MAGI3: variants seen among roughly 807,000 people sequenced by gnomAD.
The protein encoded by MAGI3 is membrane associated guanylate kinase, WW and PDZ domain containing 3, also known as membrane-associated guanylate kinase, WW and PDZ domain-containing protein 3.
Under a neutral mutation model 121.8 loss-of-function variants are expected in MAGI3, and 43 were observed. The ratio of observed to expected loss-of-function variants is 0.35; its 90% CI spans 0.28 to 0.46. The LOEUF (loss-of-function observed/expected upper bound fraction) is 0.46, where lower values mean the gene tolerates loss of function less well. Among genes scored for constraint, MAGI3 ranks in the 20% least tolerant of loss-of-function variants. MAGI3 has a pLI of 1.00. For missense variants in MAGI3, 1,547 were observed against 1,797.3 expected (o/e 0.86, Z 2.52); for synonymous variants, 553 against 639.3 (o/e 0.86, Z 2.04).
chr1:113,546,652 C>G (rs188422270), intron 1 of MAGI3, among the ~76,000 whole-genome samples: 62 of 151,678 alleles, frequency 4.1e-4, no homozygotes, highest in East Asian at 2.4e-3. Flanking sequence ...ATCACACTTA[C>G]AAAATTGTCC....
intron 2 of MAGI3, among the ~76,000 whole-genome samples, chr1:113,560,556 T>G (rs929691737): frequency 2.0e-5 from 3 of 152,180 alleles, no homozygotes; most frequent in Non-Finnish European, 4.4e-5. Context: ...ATCAAGAAGT[T>G]CTTTGAAACC....
intron 1 of MAGI3, among the ~76,000 whole-genome samples, chr1:113,509,071 A>G (rs1657482656): frequency 6.6e-6 from 1 of 152,132 alleles, no homozygotes; most frequent in African/African-American, 2.4e-5. Flanking sequence ...TTTACTGTTA[A>G]TATTGTTTGC....
At chr1:113,616,324 A>C (rs1464583810) in intron 7 of MAGI3, among the ~76,000 whole-genome samples, 1 of 152,212 alleles carries the variant, frequency 6.6e-6, no homozygotes, top group Non-Finnish European at 1.5e-5. Context: ...GACTGTACTC[A>C]AGATGCACAT....
intron 7 of MAGI3, among the ~76,000 whole-genome samples, chr1:113,617,409 G>A (rs1159245089): frequency 1.3e-5 from 2 of 152,050 alleles, no homozygotes; most frequent in Non-Finnish European, 1.5e-5. Context: ...TAATAGTGTA[G>A]GTATAAGTAA....
intron 7 of MAGI3, among the ~76,000 whole-genome samples, chr1:113,618,189 T>A (rs943513120): frequency 2.0e-5 from 3 of 151,736 alleles, no homozygotes; most frequent in Non-Finnish European, 4.4e-5. Context: ...TTTTTTTAAT[T>A]AGCTGGGCAT....
rs1473086757 is a variant in MAGI3 at position 113,649,231 on chromosome 1, C to T, written c.2156-6C>T. The T allele has an allele frequency of 1.2e-6, 2 of 1,604,422 alleles. No homozygotes were observed. The highest frequency in any genetic ancestry group is 1.7e-6 in the Non-Finnish European group (2 of 1,176,250). ...CATAGTATTTATATTTTCTGATTTTCCTCAGCACCAAACACCAAAGATTTG... is the reference window on the plus strand; with the variant it reads ...CATAGTATTTATATTTTCTGATTTTTCTCAGCACCAAACACCAAAGATTTG... On this transcript the variant is annotated splice_polypyrimidine_tract_variant and splice_region_variant and intron_variant, in intron 12 of 20. Transcript: ENST00000307546.
At chr1:113,582,071 A>C (rs1648074879) in intron 3 of MAGI3, among the ~76,000 whole-genome samples, 1 of 152,090 alleles carries the variant, frequency 6.6e-6, no homozygotes, top group African/African-American at 2.4e-5. Context: ...CTGTGTGCTC[A>C]ATTCAAAGAA....
chr1:113,513,455 C>A (rs1311055718), intron 1 of MAGI3, among the ~76,000 whole-genome samples: 2 of 152,018 alleles, frequency 1.3e-5, no homozygotes, highest in Non-Finnish European at 2.9e-5. Flanking sequence ...CAGAACAGAG[C>A]CCTCAGAAAT....
intron 1 of MAGI3, among the ~76,000 whole-genome samples, chr1:113,416,415 A>G (rs1652420770): frequency 3.6e-5 from 1 of 28,036 alleles, no homozygotes; most frequent in Non-Finnish European, 8.8e-5. Context: ...ATTAATAATT[A>G]ATAATTAATA....
In MAGI3 at chr1:113,497,029, A is replaced by G. The variant is rs143426335; in HGVS notation, c.317-52486A>G. ...TCCCAGCACTTTGGGAGGCAAAGGC[A>G]GGCAGATCACTTGAGGTCAGGTGTT... is the stretch of plus-strand genomic sequence containing the variant. On this transcript the variant is annotated intron_variant, in intron 1 of 20. Coordinates refer to ENST00000307546, the MANE Select transcript of MAGI3 (RefSeq NM_001142782.2). 3.7e-3 allele frequency among the ~76,000 whole-genome samples: 562 copies of G among 152,276 alleles called. 5 individuals carry two copies. Among genetic ancestry groups the G allele is most frequent in the African/African-American group, 0.012 (497 of 41,564 alleles).
In MAGI3 at chr1:113,391,403, T is replaced by C; in HGVS notation, c.316+54T>C. On this transcript the variant is annotated intron_variant, in intron 1 of 20. Transcript: ENST00000307546. This position sits in a 1 kb window ranked among gnomAD's most constrained non-coding sequence, Gnocchi z 4.4. ...GGTGTTGGGGAGAGGGGCTTCAGGGTGGGCGTCCTGGGAGCGGCGGCACCT... is the reference window on the plus strand; with the variant it reads ...GGTGTTGGGGAGAGGGGCTTCAGGGCGGGCGTCCTGGGAGCGGCGGCACCT... 1 of 1,538,948 alleles carries C rather than the reference T, an allele frequency of 6.5e-7. No individual in the cohort carries two copies. The highest frequency in any genetic ancestry group is 8.8e-7 in the Non-Finnish European group (1 of 1,138,088).
chr1:113,592,933 A>G (rs61819424), intron 5 of MAGI3, among the ~76,000 whole-genome samples: 33,096 of 152,032 alleles, frequency 0.22, 4,519 homozygotes, highest in South Asian at 0.38. Flanking sequence ...AATGGTGTGA[A>G]CCTGAGAGGT....
At chr1:113,562,943 A>T (rs1421758581) in intron 2 of MAGI3, among the ~76,000 whole-genome samples, 1 of 152,242 alleles carries the variant, frequency 6.6e-6, no homozygotes, top group Non-Finnish European at 1.5e-5. Flanking sequence ...TCTAGAAAAT[A>T]GTGGAGGGAA....
chr1:113,654,274 T>TTC (rs1487320070), intron 15 of MAGI3, among the ~76,000 whole-genome samples: 3 of 152,244 alleles, frequency 2.0e-5, no homozygotes, highest in African/African-American at 7.2e-5. Flanking sequence ...AAGGTTATAC[T>TTC]GAAGACAGTA....
Position 113,649,404 on chromosome 1 carries a change from G to T in MAGI3, c.2247+76G>T, listed in dbSNP as rs1223735327. 3 of 989,754 alleles carry T rather than the reference G, an allele frequency of 3.0e-6. No individual in the cohort carries two copies. The South Asian group carries it at 5.6e-5, about 18-fold the overall frequency. 61.3% of individuals were successfully genotyped at this position (989,754 alleles called of 1,614,324 possible). A position where few individuals can be genotyped will look rare whatever the true frequency, so the allele number is the denominator to read the frequency against. On this transcript the variant is annotated intron_variant, in intron 13 of 20. Coordinates refer to ENST00000307546, the MANE Select transcript of MAGI3 (RefSeq NM_001142782.2). ...GTGGTGATTTGGTGGATTATGGTGT[G>T]TTTTAAGTTTTTTTTTCTCTGACAG...
rs1654957725 is a variant in MAGI3, at chr1:113,460,121, C to A, written c.316+68772C>A. 2.0e-5 allele frequency among the ~76,000 whole-genome samples: 3 copies of A among 152,154 alleles called. No individual in the cohort carries two copies. The South Asian group carries it at 6.2e-4, about 32-fold the overall frequency. On this transcript the variant is annotated intron_variant, in intron 1 of 20. Transcript: ENST00000307546. Reference sequence around the variant, plus strand: ...GGATGCAAGATTGGTTCAACATACACAAATCAGTAATTGTGATTCATCACA... The same window carrying A: ...GGATGCAAGATTGGTTCAACATACAAAAATCAGTAATTGTGATTCATCACA...
In MAGI3 at chr1:113,391,422, G is replaced by C; in HGVS notation, c.316+73G>C. ...TCAGGGTGGGCGTCCTGGGAGCGGC[G>C]GCACCTCCCCACCGCGTATTGTCCC... On this transcript the variant is annotated intron_variant, in intron 1 of 20. Coordinates refer to ENST00000307546, the MANE Select transcript of MAGI3 (RefSeq NM_001142782.2). This position sits in a 1 kb window ranked among gnomAD's most constrained non-coding sequence, Gnocchi z 4.4. 2 of 1,480,026 alleles carry C rather than the reference G, an allele frequency of 1.4e-6. No individual in the cohort carries two copies. Among genetic ancestry groups the C allele is most frequent in the Non-Finnish European group, 1.8e-6 (2 of 1,087,034 alleles). The allele number at this position is 1,480,026 out of a possible 1,614,324, so 91.7% of individuals were successfully genotyped here. A position where few individuals can be genotyped will look rare whatever the true frequency, so the allele number is the denominator to read the frequency against.
chr1:113,490,482 G>A (rs1352448932), intron 1 of MAGI3, among the ~76,000 whole-genome samples: 1 of 152,110 alleles, frequency 6.6e-6, no homozygotes, highest in Non-Finnish European at 1.5e-5. Flanking sequence ...TAACAAGTCT[G>A]AAAAATAACC....
intron 5 of MAGI3, among the ~76,000 whole-genome samples, chr1:113,593,169 G>A (rs1648795604): frequency 6.6e-6 from 1 of 152,202 alleles, no homozygotes; most frequent in Non-Finnish European, 1.5e-5. Flanking sequence ...CATTTCCTAA[G>A]AGTGGTCAAG....
Sources: gnomAD v4.1 joint callset for allele counts (sites outside exome capture counted in the v4.1 genomes callset) on GRCh38, gnomAD v4.1.1 for gene constraint, Gnocchi (gnomAD v3.1) non-coding constraint, MANE v1.5 for transcripts, NCBI Gene and HGNC (gene_info 2026-07-23, HGNC 2026-07-21) for gene names.